The following RNF216 variants were observed in gnomAD, a reference collection of about 807,000 sequenced individuals.
RNF216 encodes the protein E3 ubiquitin-protein ligase RNF216.
Under a neutral mutation model 110.8 loss-of-function variants are expected in RNF216, and 72 were observed. That is an observed-to-expected ratio of 0.65 (90% CI 0.54 to 0.79). The LOEUF is 0.79. RNF216 is among the 30% of genes least tolerant of loss of function. The probability of loss-of-function intolerance (pLI) is 0.00; values close to 1 mark genes in which losing one functional copy is unlikely to be tolerated. For missense variants in RNF216, 1,342 were observed against 1,141.2 expected, an observed-to-expected ratio of 1.18 and a Z score of -2.54; for synonymous variants, 495 against 407.5, an observed-to-expected ratio of 1.21 and a Z score of -2.59.
rs35732993 is a variant in RNF216, at chr7:5,730,699, T to C, written c.1224+16A>G. 284,208 of 1,348,952 alleles carry C rather than the reference T, an allele frequency of 0.21. 6,661 individuals carry two copies. Among genetic ancestry groups the C allele is most frequent in the East Asian group, 0.46 (16,961 of 37,086 alleles). 83.6% of individuals were successfully genotyped at this position (1,348,952 alleles called of 1,614,324 possible). On this transcript the variant is annotated intron_variant, in intron 6 of 16. Coordinates refer to ENST00000389902, the MANE Select transcript of RNF216 (RefSeq NM_207111.4). ...ATTTCCAGGCAGTGACTGCAAAACA[T>C]GAACATGACACTTGCCTTTGTCTCA...
At chr7:5,655,564 C>T (rs1788687139) in intron 13 of RNF216, among the ~76,000 whole-genome samples, 1 of 152,016 alleles carries the variant, frequency 6.6e-6, no homozygotes, top group Admixed American at 6.6e-5. Flanking sequence ...AGAGATCGCA[C>T]CACTGCACTC....
At chr7:5,712,579 G>T in intron 12 of RNF216, 136 bp downstream of exon 12, 1 of 794,320 alleles carries the variant, frequency 1.3e-6, no homozygotes, top group South Asian at 1.9e-5. Flanking sequence ...TAAAATTATT[G>T]ATAATCTTAT....
intron 7 of RNF216, among the ~76,000 whole-genome samples, chr7:5,726,864 A>C (rs6964645): frequency 0.015 from 2,267 of 152,108 alleles, 48 homozygotes; most frequent in African/African-American, 0.051. Flanking sequence ...TCTTAAAAAA[A>C]AAAAAAAAAA....
intron 1 of RNF216, among the ~76,000 whole-genome samples, chr7:5,768,239 C>A (rs1012842763): frequency 1.3e-5 from 2 of 150,560 alleles, no homozygotes; most frequent in African/African-American, 2.4e-5. Context: ...TCACTTGAGC[C>A]CAGGAGTTTA....
intron 9 of RNF216, among the ~76,000 whole-genome samples, chr7:5,719,556 C>T (rs1004947036): frequency 1.3e-5 from 2 of 152,084 alleles, no homozygotes; most frequent in African/African-American, 2.4e-5. Flanking sequence ...AGAGATGGGA[C>T]AATGTGAATA....
At chr7:5,678,029 C>T (rs1356499538) in intron 13 of RNF216, among the ~76,000 whole-genome samples, 1 of 152,104 alleles carries the variant, frequency 6.6e-6, no homozygotes, top group South Asian at 2.1e-4. Flanking sequence ...CTACCTTCTC[C>T]TACACACCTG....
intron 11 of RNF216, 34 bp from the exon 12 acceptor site, chr7:5,712,897 T>G (rs1792808053): frequency 1.9e-6 from 3 of 1,576,002 alleles, no homozygotes; most frequent in Non-Finnish European, 2.6e-6. Context: ...GAAAAAAAAA[T>G]CAATACCATT....
intron 1 of RNF216, among the ~76,000 whole-genome samples, chr7:5,765,963 A>AAAG (rs1796187195): frequency 6.7e-6 from 1 of 148,492 alleles, no homozygotes; most frequent in Non-Finnish European, 1.5e-5. Flanking sequence ...AAAAAAAAAA[A>AAAG]AAAAGAAAGA....
intron 15 of RNF216, among the ~76,000 whole-genome samples, chr7:5,636,061 A>G (rs1562775897): frequency 6.6e-6 from 1 of 152,208 alleles, no homozygotes; most frequent in Non-Finnish European, 1.5e-5. Context: ...AAGTTTTGCC[A>G]TACTCTCAAA....
chr7:5,766,639 T>C (rs559369567), intron 1 of RNF216, among the ~76,000 whole-genome samples: 1 of 152,328 alleles, frequency 6.6e-6, no homozygotes, highest in African/African-American at 2.4e-5. Context: ...ATTCCAGAAC[T>C]GTGAGAAAAT....
chr7:5,640,576 T>C (rs1787677196), intron 15 of RNF216, among the ~76,000 whole-genome samples: 1 of 152,246 alleles, frequency 6.6e-6, no homozygotes, highest in African/African-American at 2.4e-5. Context: ...AAATACTGTA[T>C]TTTTAAAGCT....
At chr7:5,766,151 G>A (rs1796197566) in intron 1 of RNF216, among the ~76,000 whole-genome samples, 2 of 151,720 alleles carry the variant, frequency 1.3e-5, no homozygotes, top group African/African-American at 2.4e-5. Context: ...CTAGCTGCGC[G>A]GGGTGGCATG....
intron 13 of RNF216, among the ~76,000 whole-genome samples, chr7:5,684,386 T>C (rs572459827): frequency 6.6e-6 from 1 of 152,208 alleles, no homozygotes; most frequent in South Asian, 2.1e-4. Context: ...GGATTACAGG[T>C]GCGAGCCACT....
chr7:5,703,099 A>G (rs1215308797), intron 13 of RNF216, among the ~76,000 whole-genome samples: 3 of 152,248 alleles, frequency 2.0e-5, no homozygotes, highest in Non-Finnish European at 2.9e-5. Flanking sequence ...GTCACATTCC[A>G]TGATGAGAAA....
At chr7:5,718,593 C>T (rs1172857385) in intron 9 of RNF216, among the ~76,000 whole-genome samples, 4 of 148,604 alleles carry the variant, frequency 2.7e-5, no homozygotes, top group Admixed American at 2.0e-4. Flanking sequence ...GTTGCCCAGG[C>T]TGGAGTGCAG....
rs528743598 is a variant in RNF216, at chr7:5,756,721, T to A, written c.68-3742A>T. Reference sequence around the variant, plus strand: ...TCTGCAGCCTTGACCTACTACTGGGTTCAAGTGACCCTCCCATCTTGGTAT... The same window carrying A: ...TCTGCAGCCTTGACCTACTACTGGGATCAAGTGACCCTCCCATCTTGGTAT... On this transcript the variant is annotated intron_variant, in intron 2 of 16. Coordinates refer to ENST00000389902, the MANE Select transcript of RNF216 (RefSeq NM_207111.4). Among the ~76,000 whole-genome samples the A allele has an allele frequency of 1.6e-4, 25 of 152,202 alleles. 1 individual carries two copies. In the South Asian group the frequency reaches 4.8e-3, roughly 29 times the overall value.
chr7:5,641,255 G>C lies in RNF216; in HGVS notation c.2281C>G (p.Arg761Gly). Residue 761 changes from arginine to glycine, a missense_variant, in exon 15 of 17, where the codon CGA becomes GGA. By Grantham distance (125) the Arg-to-Gly change is moderately radical. Coordinates refer to ENST00000389902, the MANE Select transcript of RNF216 (RefSeq NM_207111.4). ...TGGTCATATCCATTAATAGAAACTC[G>C]ACAGAGGTAGCACATCTGGGCACCA... is the stretch of plus-strand genomic sequence containing the variant. Reference protein sequence around the residue: ...RCGAQMCYLCRVSINGYDHFC... With the variant: ...RCGAQMCYLCGVSINGYDHFC... 1 of 1,614,124 alleles carries C rather than the reference G, an allele frequency of 6.2e-7. No individual in the cohort carries two copies. Among genetic ancestry groups the C allele is most frequent in the Non-Finnish European group, 8.5e-7 (1 of 1,180,020 alleles).
rs148470361 is a variant in RNF216, at chr7:5,656,492, G to T, written c.2062-3982C>A. ...ACTTTCTATCCCCTTGTGCCTTTCC[G>T]ACTGGGGGAAACCACGGAGTTCACC... On this transcript the variant is annotated intron_variant, in intron 13 of 16. Coordinates refer to ENST00000389902, the MANE Select transcript of RNF216 (RefSeq NM_207111.4). Among the ~76,000 whole-genome samples, 407 of 152,226 alleles carry T rather than the reference G, an allele frequency of 2.7e-3. 4 individuals carry two copies. The highest frequency in any genetic ancestry group is 0.01 in the Middle Eastern group (3 of 294).
chr7:5,626,365 G>A (rs1366253927), intron 15 of RNF216, among the ~76,000 whole-genome samples: 1 of 151,230 alleles, frequency 6.6e-6, no homozygotes, highest in Non-Finnish European at 1.5e-5. Context: ...CTGGGAGCTG[G>A]CAAGCCTCTT....
Sources: gnomAD v4.1 joint callset for allele counts (sites outside exome capture counted in the v4.1 genomes callset) on GRCh38, gnomAD v4.1.1 for gene constraint, MANE v1.5 for transcripts, NCBI Gene and HGNC (gene_info 2026-07-23, HGNC 2026-07-21) for gene names.